Variants in PRKCQ observed in about 807,000 individuals in gnomAD.
PRKCQ encodes the protein protein kinase C theta, also known as protein kinase C theta type.
PRKCQ carries 41 observed loss-of-function variants against 91.2 expected under a neutral mutation model. The observed-to-expected ratio is 0.45, with a 90% confidence interval of 0.35 to 0.58. The LOEUF is 0.58. Among genes scored for constraint, PRKCQ ranks in the 20% least tolerant of loss-of-function variants. The probability of loss-of-function intolerance (pLI) is 0.00; values close to 1 mark genes in which losing one functional copy is unlikely to be tolerated. For missense variants in PRKCQ, 673 were observed against 896.5 expected, an observed-to-expected ratio of 0.75 and a Z score of 3.18; for synonymous variants, 307 against 316.9, an observed-to-expected ratio of 0.97 and a Z score of 0.33.
chr10:6,538,586 T>C (rs1047155900), intron 1 of PRKCQ, among the ~76,000 whole-genome samples: 1 of 152,290 alleles, frequency 6.6e-6, no homozygotes, highest in South Asian at 2.1e-4. Flanking sequence ...ACTAAGATAA[T>C]GGGGGCCTTT....
intron 2 of PRKCQ, among the ~76,000 whole-genome samples, chr10:6,513,544 C>T (rs373170679): frequency 4.6e-5 from 7 of 151,254 alleles, no homozygotes; most frequent in Admixed American, 6.6e-5. Context: ...AAGTCAAAGG[C>T]GGCTTTGAAA....
At chr10:6,414,838 G>A in the PRKCQ span, among the ~76,000 whole-genome samples, 2 of 151,610 alleles carry the variant, frequency 1.3e-5, no homozygotes, top group Non-Finnish European at 2.9e-5. Flanking sequence ...ATGAACTATG[G>A]GATTACTTCA....
chr10:6,426,235 C>T (rs959457689), downstream of PRKCQ, among the ~76,000 whole-genome samples: 5 of 152,098 alleles, frequency 3.3e-5, no homozygotes, highest in Admixed American at 6.6e-5. Flanking sequence ...GACCCCATCA[C>T]TCTAGTGAGA....
In PRKCQ at chr10:6,430,691, G is replaced by T; in HGVS notation, c.1965+119C>A. ...AGACGTGCATTCCTCCTGGAGAGTGGGGCTGGTGGGGAGTTGGGGCACCGG... is the reference window on the plus strand; with the variant it reads ...AGACGTGCATTCCTCCTGGAGAGTGTGGCTGGTGGGGAGTTGGGGCACCGG... On this transcript the variant is annotated intron_variant, in intron 17 of 17. Coordinates refer to ENST00000263125, the MANE Select transcript of PRKCQ (RefSeq NM_006257.5). The surrounding 1 kb of genome is among the most constrained non-coding windows in gnomAD (Gnocchi z 4.7). The T allele has an allele frequency of 1.4e-6, 2 of 1,392,276 alleles. No homozygotes were observed. The highest frequency in any genetic ancestry group is 9.8e-7 in the Non-Finnish European group (1 of 1,016,264). 86.2% of individuals were successfully genotyped at this position (1,392,276 alleles called of 1,614,324 possible). A position where few individuals can be genotyped will look rare whatever the true frequency, so the allele number is the denominator to read the frequency against.
intron 16 of PRKCQ, among the ~76,000 whole-genome samples, chr10:6,441,460 C>CTT (rs965910392): frequency 3.0e-5 from 2 of 66,900 alleles, no homozygotes; most frequent in South Asian, 1.3e-3. Context: ...CATTTTGTTT[C>CTT]TTTTTTTTTT....
intron 1 of PRKCQ, among the ~76,000 whole-genome samples, chr10:6,526,183 TTTC>T (rs1430818474): frequency 6.6e-6 from 1 of 152,244 alleles, no homozygotes; most frequent in African/African-American, 2.4e-5. Flanking sequence ...ATAGATATTC[TTTC>T]TTCTTCTTCC....
At chr10:6,451,666 C>T (rs1834688912) in intron 15 of PRKCQ, among the ~76,000 whole-genome samples, 1 of 152,090 alleles carries the variant, frequency 6.6e-6, no homozygotes, top group South Asian at 2.1e-4. Context: ...AACATTGATG[C>T]AAAAATCCTC....
intron 1 of PRKCQ, among the ~76,000 whole-genome samples, chr10:6,575,559 G>A (rs554218401): frequency 6.9e-4 from 105 of 152,276 alleles, no homozygotes; most frequent in Non-Finnish European, 1.4e-3. Flanking sequence ...CTCAGGTGCT[G>A]TGTGAGTTGT....
At chr10:6,439,901 G>C (rs1227934368) in intron 16 of PRKCQ, among the ~76,000 whole-genome samples, 1 of 152,104 alleles carries the variant, frequency 6.6e-6, no homozygotes, top group East Asian at 1.9e-4. Context: ...AAGGTCAACT[G>C]TACTGGCTGA....
chr10:6,526,703 G>C (rs1479133567), intron 1 of PRKCQ, among the ~76,000 whole-genome samples: 1 of 152,182 alleles, frequency 6.6e-6, no homozygotes, highest in Non-Finnish European at 1.5e-5. Context: ...AGACGAGGTG[G>C]GTGTGCCCAT....
chr10:6,401,961 G>A, the PRKCQ span, among the ~76,000 whole-genome samples: 1 of 152,138 alleles, frequency 6.6e-6, no homozygotes, highest in Non-Finnish European at 1.5e-5. Flanking sequence ...CAGCAGGGAC[G>A]GAAACTGCAG....
intron 1 of PRKCQ, among the ~76,000 whole-genome samples, chr10:6,548,763 T>G: frequency 6.8e-6 from 1 of 147,406 alleles, no homozygotes; most frequent in Non-Finnish European, 1.5e-5. Context: ...GGGATAGCTT[T>G]AGGAGATATA....
In PRKCQ at chr10:6,428,212, A is replaced by T; in HGVS notation, c.2116T>A (p.Ser706Thr). 6.2e-7 allele frequency: 1 copy of T among 1,614,174 alleles called. No homozygotes were observed. Residue 706 changes from serine to threonine, a missense_variant, in exon 18 of 18, where the codon TCC becomes ACC. Transcript: ENST00000263125. ...FMNPGMERLI[S>T] ...TGTCTCTGGAGGGGCAAGATTCAGG[A>T]TATCAGCCGCTCCATCCCGGGGTTC... is the stretch of plus-strand genomic sequence containing the variant.
intron 1 of PRKCQ, among the ~76,000 whole-genome samples, chr10:6,519,393 C>CA (rs894001342): frequency 6.6e-6 from 1 of 152,124 alleles, no homozygotes; most frequent in African/African-American, 2.4e-5. Flanking sequence ...GTTAAAGAAA[C>CA]AAAAGTTACC....
intron 16 of PRKCQ, among the ~76,000 whole-genome samples, chr10:6,434,483 T>TTGA (rs1346050899): frequency 5.3e-5 from 8 of 152,226 alleles, no homozygotes; most frequent in Non-Finnish European, 1.0e-4. Context: ...AATTAGTATA[T>TTGA]GTTCTGCCTT....
At chr10:6,444,494 G>C (rs1411906793) in intron 15 of PRKCQ, among the ~76,000 whole-genome samples, 1 of 151,808 alleles carries the variant, frequency 6.6e-6, no homozygotes, top group Non-Finnish European at 1.5e-5. Flanking sequence ...GGAAAAGAGG[G>C]AAAAAAAATC....
chr10:6,421,394 A>C, the PRKCQ span, among the ~76,000 whole-genome samples: 1 of 152,162 alleles, frequency 6.6e-6, no homozygotes, highest in Admixed American at 6.5e-5. This position sits in a 1 kb window ranked among gnomAD's most constrained non-coding sequence, Gnocchi z 4.1. Context: ...CTGAGATTGG[A>C]GGATCACCTG....
chr10:6,458,383 G>A (rs1379187836), intron 14 of PRKCQ, among the ~76,000 whole-genome samples: 1 of 152,094 alleles, frequency 6.6e-6, no homozygotes, highest in Non-Finnish European at 1.5e-5. Flanking sequence ...AGAGGCCCAG[G>A]GTATTCTGAG....
chr10:6,520,625 G>T (rs2130880066), intron 1 of PRKCQ, among the ~76,000 whole-genome samples: 1 of 152,186 alleles, frequency 6.6e-6, no homozygotes, highest in African/African-American at 2.4e-5. Context: ...TCAGTCTCTA[G>T]CTCCTCTTGG....
Sources: allele counts gnomAD v4.1 joint callset (sites outside exome capture counted in the v4.1 genomes callset), GRCh38; gene constraint gnomAD v4.1.1; non-coding constraint Gnocchi (gnomAD v3.1); transcripts MANE v1.5; gene names NCBI Gene and HGNC (gene_info 2026-07-23, HGNC 2026-07-21).